The following SLC49A3 variants were observed in gnomAD, a reference collection of about 807,000 sequenced individuals.
SLC49A3 encodes the protein solute carrier family 49 member A3.
SLC49A3 carries 50 observed loss-of-function variants against 43.8 expected under a neutral mutation model. That is an observed-to-expected ratio of 1.14 (90% confidence interval 0.91 to 1.45). The LOEUF (loss-of-function observed/expected upper bound fraction) is 1.45. SLC49A3 is among the 40% of genes most tolerant of loss of function. The probability of loss-of-function intolerance (pLI) is 0.00; values close to 1 mark genes in which losing one functional copy is unlikely to be tolerated. For synonymous variants in SLC49A3, 413 were observed against 352.0 expected (o/e 1.17, Z -1.94); for missense variants, 906 against 774.1 (o/e 1.17, Z -2.02).
downstream of SLC49A3, among the ~76,000 whole-genome samples, chr4:679,347 C>G (rs1370546974): frequency 1.3e-5 from 2 of 151,006 alleles, no homozygotes; most frequent in Non-Finnish European, 2.9e-5. Context: ...GCGGCTTGCC[C>G]CCAGGCAGGA....
At chr4:680,610 C>T (rs183434067), downstream of SLC49A3, 77 of 1,609,300 alleles carry the variant, frequency 4.8e-5, no homozygotes, top group African/African-American at 3.3e-4. Flanking sequence ...GCGGCCAGGG[C>T]GGCCCGGCTT....
chr4:682,029 C>T lies in SLC49A3; in HGVS notation c.1609G>A (p.Val537Ile). ...PSRPGRLAGR[V>I]QASRFIDPAG... ...GGGTCAATAAACCTGGACGCTTGGA[C>T]CCTGCCTGCGAGTCTGCCGGGGCGG... Residue 537 changes from valine to isoleucine, a missense_variant, in exon 10 of 10, where the codon GTC becomes ATC. Transcript: ENST00000322224. 5 of 1,430,830 alleles carry T rather than the reference C, an allele frequency of 3.5e-6. No individual in the cohort carries two copies. Among genetic ancestry groups the T allele is most frequent in the Non-Finnish European group, 4.6e-6 (5 of 1,079,134 alleles). 88.6% of individuals were successfully genotyped at this position (1,430,830 alleles called of 1,614,324 possible).
At position 683,754 on chromosome 4, in the gene SLC49A3, G is replaced by A. The variant is rs779278980; in HGVS notation, c.848C>T (p.Ser283Phe). 12 of 1,564,554 alleles carry A rather than the reference G, an allele frequency of 7.7e-6. No homozygotes were observed. Among genetic ancestry groups the A allele is most frequent in the South Asian group, 1.2e-5 (1 of 85,612 alleles). The change falls in exon 7 of 10, where the codon TCC becomes TTC. Residue 283 changes from serine to phenylalanine, a missense_variant. Transcript: ENST00000322224. ...LCASGHSSGFSGLCGALFITF... is the reference protein window; with the variant it reads ...LCASGHSSGFFGLCGALFITF... Reference sequence around the variant, plus strand: ...GATGAAGAGAGCGCCACAGAGGCCGGAAAACCCCTGGAGGAGGCGAGAAGA... The same window carrying A: ...GATGAAGAGAGCGCCACAGAGGCCGAAAAACCCCTGGAGGAGGCGAGAAGA...
chr4:685,183 G>A lies in SLC49A3; in HGVS notation c.586-327C>T, dbSNP rs766975688. On this transcript the variant is annotated intron_variant, in intron 4 of 9. Coordinates refer to ENST00000322224, the MANE Select transcript of SLC49A3 (RefSeq NM_032219.4). This position sits in a 1 kb window ranked among gnomAD's most constrained non-coding sequence, Gnocchi z 4.3. ...GCTCAACACACAGACACAGGTGGGT[G>A]CAGAGGCACACGTGCATACAGACTC... 2 of 433,058 alleles carry A rather than the reference G, an allele frequency of 4.6e-6. No individual in the cohort carries two copies. The highest frequency in any genetic ancestry group is 8.3e-6 in the Non-Finnish European group (2 of 239,952). 26.8% of individuals were successfully genotyped at this position (433,058 alleles called of 1,614,324 possible). A position where few individuals can be genotyped will look rare whatever the true frequency, so the allele number is the denominator to read the frequency against.
Position 686,077 on chromosome 4 carries a change from C to T in SLC49A3, c.508+12G>A. The T allele has an allele frequency of 1.2e-6, 2 of 1,612,742 alleles. No individual in the cohort carries two copies. Among genetic ancestry groups the T allele is most frequent in the Non-Finnish European group, 1.7e-6 (2 of 1,179,872 alleles). ...TGAGCCCAGGCAGGCGGCCTCCCTC[C>T]CCGGAACTCACACATGGTGGCGAGC... is the stretch of plus-strand genomic sequence containing the variant. On this transcript the variant is annotated intron_variant, in intron 3 of 9. Coordinates refer to ENST00000322224, the MANE Select transcript of SLC49A3 (RefSeq NM_032219.4).
intron 2 of SLC49A3, 22 bp from the exon 3 acceptor site, chr4:686,324 C>T: frequency 1.9e-6 from 3 of 1,611,384 alleles, no homozygotes; most frequent in East Asian, 4.5e-5. Flanking sequence ...GGGTCGGGGA[C>T]CGGGTCAGGA....
rs995044111 is a variant in SLC49A3 at position 685,032 on chromosome 4, G to C, written c.586-176C>G. The C allele has an allele frequency of 6.2e-6, 5 of 801,100 alleles. No homozygotes were observed. The highest frequency in any genetic ancestry group is 9.4e-6 in the Non-Finnish European group (5 of 532,998). The allele number at this position is 801,100 out of a possible 1,614,324, so 49.6% of individuals were successfully genotyped here. A position where few individuals can be genotyped will look rare whatever the true frequency, so the allele number is the denominator to read the frequency against. ...CCCAGGCTGGGAGGGGCCTGCTCCA[G>C]GGGCTCATGGGGACCCCTGGCTGTC... On this transcript the variant is annotated intron_variant, in intron 4 of 9. Transcript: ENST00000322224. This position sits in a 1 kb window ranked among gnomAD's most constrained non-coding sequence, Gnocchi z 4.3.
At chr4:679,114 T>G, downstream of SLC49A3, 2 of 1,152,554 alleles carry the variant, frequency 1.7e-6, no homozygotes, top group Non-Finnish European at 2.4e-6. Context: ...CCGCGGCCCC[T>G]CCTCGAATGG....
upstream of SLC49A3, among the ~76,000 whole-genome samples, chr4:690,502 C>T (rs949532143): frequency 6.6e-6 from 1 of 152,194 alleles, no homozygotes; most frequent in Non-Finnish European, 1.5e-5. Flanking sequence ...TAGTCCAGTG[C>T]CAATGTTGGC....
At chr4:677,838 A>G (rs1577328545), downstream of SLC49A3, 1 of 904,538 alleles carries the variant, frequency 1.1e-6, no homozygotes, top group Admixed American at 1.9e-5. Context: ...GAGGCAGGGC[A>G]AGGGTGTGAG....
downstream of SLC49A3, chr4:681,071 G>T (rs780896531): frequency 7.6e-6 from 12 of 1,588,238 alleles, no homozygotes; most frequent in South Asian, 1.1e-5. Flanking sequence ...AGCCCGCGCT[G>T]ACCCCTTTCC....
chr4:690,865 G>A (rs139281994), upstream of SLC49A3, among the ~76,000 whole-genome samples: 290 of 152,350 alleles, frequency 1.9e-3, 1 homozygote, highest in African/African-American at 6.5e-3. Flanking sequence ...CACAACAATC[G>A]CTTGCATTGA....
chr4:682,994 C>T (rs1740120936), intron 8 of SLC49A3, 104 bp from the exon 9 acceptor site: 6 of 1,179,224 alleles, frequency 5.1e-6, no homozygotes, highest in Non-Finnish European at 7.1e-6. Context: ...GTGCCACCAC[C>T]CTCCTGAAGG....
chr4:680,556 C>G (rs988622311), downstream of SLC49A3: 2 of 1,613,518 alleles, frequency 1.2e-6, no homozygotes, highest in Non-Finnish European at 1.7e-6. Flanking sequence ...GATGCTGGAC[C>G]CGGACGGGAA....
downstream of SLC49A3, chr4:678,995 T>C (rs1159994059): frequency 2.5e-6 from 4 of 1,613,780 alleles, no homozygotes; most frequent in African/African-American, 1.3e-5. Flanking sequence ...GATGGCTTCA[T>C]TGACAAGGAG....
downstream of SLC49A3, chr4:681,765 C>A (rs1189943359): frequency 7.6e-6 from 9 of 1,189,928 alleles, no homozygotes; most frequent in Admixed American, 1.4e-4. Flanking sequence ...GCGCCGCCCT[C>A]ACCCCGCACC....
At chr4:684,007 C>T (rs189850969) in intron 6 of SLC49A3, among the ~76,000 whole-genome samples, 2 of 152,338 alleles carry the variant, frequency 1.3e-5, no homozygotes, top group South Asian at 2.1e-4. Context: ...CCCACAGGGC[C>T]GTGGTGCCTG....
intron 2 of SLC49A3, 94 bp downstream of exon 2, chr4:686,438 T>C: frequency 6.4e-7 from 1 of 1,564,166 alleles, no homozygotes; most frequent in Admixed American, 1.8e-5. Flanking sequence ...TTGGGACTGG[T>C]GGGCCCCGGT....
chr4:689,468 T>G, upstream of SLC49A3: 1 of 188,702 alleles, frequency 5.3e-6, no homozygotes, highest in Non-Finnish European at 1.1e-5. Flanking sequence ...GAAGTCACTC[T>G]GCCCAGCAGA....
Sources: gnomAD v4.1 joint callset for allele counts (sites outside exome capture counted in the v4.1 genomes callset) on GRCh38, gnomAD v4.1.1 for gene constraint, Gnocchi (gnomAD v3.1) non-coding constraint, MANE v1.5 for transcripts, NCBI Gene and HGNC (gene_info 2026-07-23, HGNC 2026-07-21) for gene names.